Variants in RHEB observed in about 807,000 individuals in gnomAD.
RHEB encodes GTP-binding protein Rheb.
In RHEB, 2 loss-of-function variants were observed where a neutral mutation model predicts 28.8. The ratio of observed to expected loss-of-function variants is 0.07; its 90% CI spans 0.03 to 0.22. The LOEUF (loss-of-function observed/expected upper bound fraction) is 0.22, where lower values mean the gene tolerates loss of function less well. Ranked by LOEUF, RHEB falls within the 10% of genes least tolerant of loss-of-function variation. The pLI is 1.00. For missense variants in RHEB, 76 were observed against 219.9 expected (o/e 0.35, Z 4.14); for synonymous variants, 69 against 77.3 (o/e 0.89, Z 0.56).
chr7:151,519,127 C>A (rs1334366751), intron 1 of RHEB: 1 of 154,604 alleles, frequency 6.5e-6, no homozygotes, highest in Non-Finnish European at 1.4e-5. Context: ...CAGCCTCTAG[C>A]GCGGCTCCCC....
intron 1 of RHEB, among the ~76,000 whole-genome samples, chr7:151,496,863 T>G (rs1432024310): frequency 6.6e-6 from 1 of 152,018 alleles, no homozygotes; most frequent in African/African-American, 2.4e-5. Flanking sequence ...CATTGTAAGC[T>G]CCGCCTCCCA....
At chr7:151,491,736 CAAA>C (rs11324430) in intron 1 of RHEB, among the ~76,000 whole-genome samples, 10 of 141,676 alleles carry the variant, frequency 7.1e-5, no homozygotes, top group Non-Finnish European at 6.2e-5. Context: ...GACCCTGTGT[CAAA>C]AAAAAAAAAA....
intron 3 of RHEB, among the ~76,000 whole-genome samples, chr7:151,481,338 A>C (rs1802379166): frequency 6.6e-6 from 1 of 152,250 alleles, no homozygotes. Flanking sequence ...ACTAAGTAGT[A>C]AATAGAACTT....
intron 1 of RHEB, among the ~76,000 whole-genome samples, chr7:151,506,529 T>G (rs1802883313): frequency 6.6e-6 from 1 of 152,184 alleles, no homozygotes; most frequent in Admixed American, 6.5e-5. Flanking sequence ...TAGCAAGTGC[T>G]CAGCAAATCT....
chr7:151,500,194 A>T (rs528130212), intron 1 of RHEB, among the ~76,000 whole-genome samples: 7 of 152,368 alleles, frequency 4.6e-5, no homozygotes, highest in African/African-American at 1.4e-4. Flanking sequence ...AAGATGAAAC[A>T]TTAGGAAGAT....
At chr7:151,499,581 A>G (rs1158023139) in intron 1 of RHEB, among the ~76,000 whole-genome samples, 2 of 152,244 alleles carry the variant, frequency 1.3e-5, no homozygotes, top group Non-Finnish European at 2.9e-5. Context: ...ATACATATTC[A>G]GTAAACAGTT....
intron 1 of RHEB, among the ~76,000 whole-genome samples, chr7:151,509,470 C>A (rs1250540495): frequency 6.6e-6 from 1 of 152,234 alleles, no homozygotes; most frequent in Non-Finnish European, 1.5e-5. Context: ...CCTACTCAGG[C>A]ACTCACATGA....
chr7:151,499,362 C>T (rs935370815), intron 1 of RHEB, among the ~76,000 whole-genome samples: 2 of 151,824 alleles, frequency 1.3e-5, no homozygotes, highest in Non-Finnish European at 1.5e-5. Flanking sequence ...CTATAAAAAA[C>T]GAAAAGAAAG....
Position 151,509,807 on chromosome 7 carries a change from T to C in RHEB, c.52+9653A>G, listed in dbSNP as rs142221581. Among the ~76,000 whole-genome samples the C allele has an allele frequency of 5.0e-3, 762 of 152,338 alleles. 12 individuals carry two copies. The highest frequency in any genetic ancestry group is 0.017 in the African/African-American group (724 of 41,566). ...TGAAAATCAGATGAAGTTCAAGTGT[T>C]ATATCCATAAATAAAGTTTTACTAG... On this transcript the variant is annotated intron_variant, in intron 1 of 7. Coordinates refer to ENST00000262187, the MANE Select transcript of RHEB (RefSeq NM_005614.4).
At chr7:151,479,615 G>A (rs375662032) in intron 3 of RHEB, among the ~76,000 whole-genome samples, 48 of 151,266 alleles carry the variant, frequency 3.2e-4, no homozygotes, top group African/African-American at 1.1e-3. Context: ...CCTGGGTGGC[G>A]GAGCTTGCAG....
At chr7:151,512,526 A>C (rs1053219135) in intron 1 of RHEB, among the ~76,000 whole-genome samples, 11 of 152,174 alleles carry the variant, frequency 7.2e-5, no homozygotes, top group African/African-American at 2.4e-4. Context: ...AGGCCAAACC[A>C]ATAGGCACAC....
intron 1 of RHEB, among the ~76,000 whole-genome samples, chr7:151,513,706 T>C (rs1803029409): frequency 6.6e-6 from 1 of 152,222 alleles, no homozygotes; most frequent in Non-Finnish European, 1.5e-5. Flanking sequence ...CTATCACTTA[T>C]GAAGTTTCGG....
intron 2 of RHEB, among the ~76,000 whole-genome samples, chr7:151,485,264 C>T (rs1221277451): frequency 1.1e-4 from 16 of 152,200 alleles, no homozygotes; most frequent in Non-Finnish European, 4.4e-5. Context: ...AAAGAAGTAA[C>T]AGTTTTACTG....
rs1021570400 is a variant in RHEB at position 151,472,323 on chromosome 7, A to G, written c.276-718T>C. Among the ~76,000 whole-genome samples the G allele has an allele frequency of 6.6e-6, 1 of 152,102 alleles. No homozygotes were observed. The highest frequency in any genetic ancestry group is 1.5e-5 in the Non-Finnish European group (1 of 68,006). On this transcript the variant is annotated intron_variant, in intron 4 of 7. Coordinates refer to ENST00000262187, the MANE Select transcript of RHEB (RefSeq NM_005614.4). The surrounding 1 kb of genome is among the most constrained non-coding windows in gnomAD (Gnocchi z 5.2). ...TTCCTGGCCCAAGTCTGCCTGCATC[A>G]GTTCCACAGCCCCAACCCTTCCCCG...
chr7:151,495,444 A>G (rs973140786), intron 1 of RHEB, among the ~76,000 whole-genome samples: 2 of 152,182 alleles, frequency 1.3e-5, no homozygotes, highest in Non-Finnish European at 2.9e-5. Context: ...AATTCTTCTG[A>G]GCTTTTATCA....
At chr7:151,495,938 C>G (rs1221303501) in intron 1 of RHEB, among the ~76,000 whole-genome samples, 1 of 152,120 alleles carries the variant, frequency 6.6e-6, no homozygotes, top group Non-Finnish European at 1.5e-5. Context: ...GGTCTGTCCC[C>G]CCTCCCACCG....
intron 3 of RHEB, among the ~76,000 whole-genome samples, chr7:151,482,302 T>TG (rs1238194212): frequency 1.3e-5 from 2 of 152,198 alleles, no homozygotes; most frequent in Admixed American, 1.3e-4. Flanking sequence ...TGGACTGCAG[T>TG]GGTGCTATCA....
chr7:151,506,985 G>A (rs1056885689), intron 1 of RHEB, among the ~76,000 whole-genome samples: 1 of 152,216 alleles, frequency 6.6e-6, no homozygotes, highest in African/African-American at 2.4e-5. Flanking sequence ...AGGGCTTAAA[G>A]CCTGGAACTG....
At position 151,491,033 on chromosome 7, in the gene RHEB, G is replaced by C; in HGVS notation, c.53-19C>G. On this transcript the variant is annotated intron_variant, in intron 1 of 7. Coordinates refer to ENST00000262187, the MANE Select transcript of RHEB (RefSeq NM_005614.4). ...GATTTCCCTATAAAAGAGAACAAGAGCTTAGTGTGTGTTGGCATATGAAGG... is the reference window on the plus strand; with the variant it reads ...GATTTCCCTATAAAAGAGAACAAGACCTTAGTGTGTGTTGGCATATGAAGG... 1.3e-6 allele frequency: 2 copies of C among 1,595,768 alleles called. No homozygotes were observed. The highest frequency in any genetic ancestry group is 1.1e-5 in the South Asian group (1 of 89,540).
Sources: allele counts gnomAD v4.1 joint callset (sites outside exome capture counted in the v4.1 genomes callset), GRCh38; gene constraint gnomAD v4.1.1; non-coding constraint Gnocchi (gnomAD v3.1); transcripts MANE v1.5; gene names NCBI Gene and HGNC (gene_info 2026-07-23, HGNC 2026-07-21).